USP9X: variants seen among roughly 807,000 people sequenced by gnomAD.
The protein encoded by USP9X is ubiquitin carboxyl-terminal hydrolase 9X.
Under a neutral mutation model 190.3 loss-of-function variants are expected in USP9X, and 7 were observed. The ratio of observed to expected loss-of-function variants is 0.04; its 90% CI spans 0.02 to 0.07. The LOEUF is 0.07. USP9X is among the 10% of genes least tolerant of loss of function. USP9X has a pLI of 1.00. For missense variants in USP9X, 1,010 were observed against 1,916.9 expected (o/e 0.53, Z 8.83); for synonymous variants, 645 against 659.5 (o/e 0.98, Z 0.34).
chrX:41,092,615 A>G (rs1338850829), intron 1 of USP9X, among the ~76,000 whole-genome samples: 1 of 111,827 alleles, frequency 8.9e-6, no homozygotes, highest in Non-Finnish European at 1.9e-5. Flanking sequence ...GACATTGGGT[A>G]AAATTTTTAT....
intron 2 of USP9X, among the ~76,000 whole-genome samples, chrX:41,124,460 T>C (rs1276508608): frequency 1.8e-5 from 2 of 111,483 alleles, no homozygotes; most frequent in South Asian, 3.8e-4. Flanking sequence ...AAAAGAAAAG[T>C]GAACATAGGT....
At chrX:41,225,339 A>G (rs1156310731) in intron 41 of USP9X, among the ~76,000 whole-genome samples, 3 of 111,682 alleles carry the variant, frequency 2.7e-5, no homozygotes, top group African/African-American at 9.8e-5. Context: ...CTCACTGCCT[A>G]AGTTTCATAC....
intron 39 of USP9X, 61 bp downstream of exon 39, chrX:41,223,463 G>T: frequency 2.6e-6 from 3 of 1,139,446 alleles, no homozygotes; most frequent in Non-Finnish European, 3.6e-6. Flanking sequence ...TTGAGACAGA[G>T]TTTTGCTGTT....
At position 41,142,128 on chromosome X, in the gene USP9X, T is replaced by G. The variant is rs764805758; in HGVS notation, c.1161+697T>G. Among the ~76,000 whole-genome samples the G allele has an allele frequency of 2.7e-5, 3 of 110,887 alleles. No homozygotes were observed. The South Asian group carries it at 1.2e-3, about 43-fold the overall frequency. On this transcript the variant is annotated intron_variant, in intron 9 of 44. Transcript: ENST00000378308. ...ATGTTAAAATGCATGTGGAGACTGC[T>G]TAGATATTGCCCTGTGTTAGGGGGT...
chrX:41,234,726 A>AATTTTTGT lies in USP9X; in HGVS notation c.*2212_*2219dup, dbSNP rs1055165966. On this transcript the variant is annotated 3_prime_UTR_variant, in exon 45 of 45. Coordinates refer to ENST00000378308, the MANE Select transcript of USP9X (RefSeq NM_001039591.3). ...GAGGTGCCCACCACCACGCCCAGCT[A>AATTTTTGT]ATTTTTGTATTTTTGTAGAGACAGG... is the stretch of plus-strand genomic sequence containing the variant. The AATTTTTGT allele has an allele frequency of 1.8e-5, 2 of 110,582 alleles. No individual in the cohort carries two copies. The highest frequency in any genetic ancestry group is 6.6e-5 in the African/African-American group (2 of 30,309). The allele number at this position is 110,582 out of a possible 1,213,427, so 9.1% of individuals were successfully genotyped here.
rs751819454 is a variant in USP9X at position 41,216,254 on chromosome X, G to A, written c.5687G>A (p.Arg1896His). ...AATGGTGGAGATGGTGAGAGAAATC[G>A]CTGGTATAAATTTGATGATGGTGAT... ...QRNGGDGERN[R>H]WYKFDDGDVT... is the part of the protein sequence containing the mutation. Residue 1896 changes from arginine (R) to histidine (H), a missense_variant, in exon 35 of 45, where the codon CGC becomes CAC. Physicochemically the swap from Arg to His is conservative, Grantham distance 29. This residue lies in a region of USP9X where 120 missense variants were observed against 342.7 expected (regional missense o/e 0.35). Transcript: ENST00000378308. 2.5e-6 allele frequency: 3 copies of A among 1,211,574 alleles called. No individual in the cohort carries two copies. Among genetic ancestry groups the A allele is most frequent in the Non-Finnish European group, 3.4e-6 (3 of 895,522 alleles).
chrX:41,125,716 T>TCGCGCG (rs1158615913), intron 2 of USP9X, among the ~76,000 whole-genome samples: 28 of 100,732 alleles, frequency 2.8e-4, no homozygotes, highest in African/African-American at 1.1e-3. Context: ...TCTCTCTCTC[T>TCGCGCG]CTCGCGCACG....
intron 1 of USP9X, among the ~76,000 whole-genome samples, chrX:41,101,936 T>C (rs2062037255): frequency 8.9e-6 from 1 of 111,925 alleles, no homozygotes; most frequent in Non-Finnish European, 1.9e-5. Context: ...AAAGACCTCA[T>C]ATCACATGAT....
chrX:41,106,303 C>G (rs1195161553), intron 1 of USP9X, among the ~76,000 whole-genome samples: 4 of 110,455 alleles, frequency 3.6e-5, no homozygotes, highest in African/African-American at 1.3e-4. Context: ...CATGTTAATT[C>G]ATGTTGTTAC....
chrX:41,196,466 A>C (rs1393950523), intron 27 of USP9X, 107 bp downstream of exon 27: 1 of 1,073,416 alleles, frequency 9.3e-7, no homozygotes, highest in Non-Finnish European at 1.3e-6. Flanking sequence ...GTCTATATTT[A>C]ATAAATGAAG....
chrX:41,115,434 A>G lies in USP9X; in HGVS notation c.-158-8037A>G, dbSNP rs73203643. On this transcript the variant is annotated intron_variant, in intron 1 of 44. Transcript: ENST00000378308. ...TTCCCTTTGATTGTTGGTGCATAAA[A>G]CCGGAATAGGCAAAATTCACAAGTC... 4.3e-3 allele frequency among the ~76,000 whole-genome samples: 479 copies of G among 111,563 alleles called. 2 individuals are homozygous for G. Among genetic ancestry groups the G allele is most frequent in the Non-Finnish European group, 6.6e-3 (350 of 53,098 alleles).
chrX:41,196,690 T>C lies in USP9X; in HGVS notation c.4185T>C (p.Asn1395=). ...YAYNSNINVP[N]AEVLLNNEID... ...ACAATAGTAATATTAATGTACCCAA[T>C]GCTGAAGTTCTTCTCAATAATGAAA... The change falls in exon 28 of 45, where the codon AAT becomes AAC. Residue 1395 remains asparagine (N), a synonymous_variant. Transcript: ENST00000378308. 2 of 1,200,076 alleles carry C rather than the reference T, an allele frequency of 1.7e-6. No homozygotes were observed. The highest frequency in any genetic ancestry group is 1.8e-5 in the South Asian group (1 of 54,720).
At chrX:41,200,843 C>T (rs1336090487) in intron 30 of USP9X, among the ~76,000 whole-genome samples, 1 of 111,771 alleles carries the variant, frequency 8.9e-6, no homozygotes, top group Non-Finnish European at 1.9e-5. Flanking sequence ...AACGGGTTTG[C>T]GGGTGATTGG....
At chrX:41,101,214 T>C (rs112045307) in intron 1 of USP9X, among the ~76,000 whole-genome samples, 3,896 of 111,010 alleles carry the variant, frequency 0.035, 159 homozygotes, top group African/African-American at 0.12. Flanking sequence ...TTTTCTGTTT[T>C]GAGTATTAGC....
chrX:41,163,751 T>C (rs1342003796), intron 15 of USP9X, among the ~76,000 whole-genome samples: 1 of 102,502 alleles, frequency 9.8e-6, no homozygotes, highest in Non-Finnish European at 2.0e-5. Context: ...AAAAAAAAAA[T>C]TTTTTTTTTA....
rs971273897 is a variant in USP9X, at chrX:41,085,748, C to T, written c.-520C>T. On this transcript the variant is annotated 5_prime_UTR_variant, in exon 1 of 45. Coordinates refer to ENST00000378308, the MANE Select transcript of USP9X (RefSeq NM_001039591.3). ...GGCGGCGACTAGGGGAAGGTGAAGC[C>T]GTCGCTGCAGGAGGAGGAGCAGGAG... The T allele has an allele frequency of 6.7e-6, 2 of 298,840 alleles. No homozygotes were observed. Among genetic ancestry groups the T allele is most frequent in the East Asian group, 9.5e-5 (2 of 21,045 alleles). The allele number at this position is 298,840 out of a possible 1,213,427, so 24.6% of individuals were successfully genotyped here. A position where few individuals can be genotyped will look rare whatever the true frequency, so the allele number is the denominator to read the frequency against.
At chrX:41,159,532 T>C (rs1350286087) in intron 14 of USP9X, among the ~76,000 whole-genome samples, 2 of 110,646 alleles carry the variant, frequency 1.8e-5, no homozygotes, top group Non-Finnish European at 3.8e-5. Flanking sequence ...ATTCTTTTTT[T>C]TTTTTCTTTT....
intron 30 of USP9X, among the ~76,000 whole-genome samples, chrX:41,199,183 CAGAAAAAAAAGAAA>C (rs1411773446): frequency 9.3e-6 from 1 of 107,333 alleles, no homozygotes; most frequent in Non-Finnish European, 1.9e-5. Context: ...GACTCCATCT[CAGAAAAAAAAGAAA>C]AGAAAAGAAA....
In USP9X at chrX:41,197,352, C is replaced by CCCCCG; in HGVS notation, c.4234-12_4234-11insCCCCG. 3.0e-6 allele frequency: 3 copies of CCCCCG among 988,060 alleles called. No homozygotes were observed. Among genetic ancestry groups the CCCCCG allele is most frequent in the Non-Finnish European group, 4.0e-6 (3 of 759,239 alleles). 81.4% of individuals were successfully genotyped at this position (988,060 alleles called of 1,213,427 possible). A position where few individuals can be genotyped will look rare whatever the true frequency, so the allele number is the denominator to read the frequency against. ...TTCTTCCCCCCCCCACCCCACCCCC[C>CCCCCG]GCCTTTGGCAGGATGATGTTAAAAG... On this transcript the variant is annotated splice_polypyrimidine_tract_variant and intron_variant, in intron 28 of 44. Transcript: ENST00000378308.
Sources: gnomAD v4.1 joint callset for allele counts (sites outside exome capture counted in the v4.1 genomes callset) on GRCh38, gnomAD v4.1.1 for gene constraint, gnomAD v4.1.1 regional missense constraint, MANE v1.5 for transcripts, NCBI Gene and HGNC (gene_info 2026-07-23, HGNC 2026-07-21) for gene names.